The following FKBP4 variants were observed in gnomAD, a reference collection of about 807,000 sequenced individuals.
FKBP4 encodes peptidyl-prolyl cis-trans isomerase FKBP4.
In FKBP4, 28 loss-of-function variants were observed where a neutral mutation model predicts 54.1. The observed-to-expected ratio is 0.52, with a 90% CI of 0.38 to 0.71. The LOEUF (loss-of-function observed/expected upper bound fraction) is 0.71, where lower values mean the gene tolerates loss of function less well. Among genes scored for constraint, FKBP4 ranks in the 30% least tolerant of loss-of-function variants. The pLI is 0.00. For missense variants in FKBP4, 493 were observed against 574.4 expected (o/e 0.86, Z 1.45); for synonymous variants, 223 against 216.1 (o/e 1.03, Z -0.28).
chr12:2,796,202 G>T, intron 1 of FKBP4: 2 of 1,286,954 alleles, frequency 1.6e-6, no homozygotes, highest in Non-Finnish European at 2.0e-6. Flanking sequence ...TGAGCTCCGC[G>T]TGTGCGGCAC....
In FKBP4 at chr12:2,799,482, C is replaced by T. The variant is rs568568435; in HGVS notation, c.671+238C>T. ...TTCTCTCCTCTGCCATCAAGATTTT[C>T]CTCTCCCATTAATTCATTTCAGTCA... is the stretch of plus-strand genomic sequence containing the variant. On this transcript the variant is annotated intron_variant, in intron 5 of 9. Coordinates refer to ENST00000001008, the MANE Select transcript of FKBP4 (RefSeq NM_002014.4). 2.6e-5 allele frequency among the ~76,000 whole-genome samples: 4 copies of T among 152,304 alleles called. No homozygotes were observed. In the East Asian group the frequency reaches 5.8e-4, roughly 22 times the overall value.
Position 2,798,791 on chromosome 12 carries a change from G to A in FKBP4, c.479G>A (p.Gly160Asp). Residue 160 changes from glycine (G) to aspartate (D), a missense_variant, in exon 4 of 10, where the codon GGC becomes GAC. Coordinates refer to ENST00000001008, the MANE Select transcript of FKBP4 (RefSeq NM_002014.4). The surrounding 1 kb of genome is among the most constrained non-coding windows in gnomAD (Gnocchi z 4.3). ...IIRRIQTRGE[G>D]YAKPNEGAIV... is the part of the protein sequence containing the mutation. ...CGCAGAATACAGACTCGCGGTGAAG[G>A]CTATGCTAAGCCCAATGAGGGTGCT... 6.2e-7 allele frequency: 1 copy of A among 1,614,202 alleles called. No individual in the cohort carries two copies.
Position 2,803,466 on chromosome 12 carries a change from C to T in FKBP4, c.*208C>T, listed in dbSNP as rs953441760. The T allele has an allele frequency of 3.5e-6, 2 of 565,006 alleles. No homozygotes were observed. Among genetic ancestry groups the T allele is most frequent in the Non-Finnish European group, 6.4e-6 (2 of 314,166 alleles). 35.0% of individuals were successfully genotyped at this position (565,006 alleles called of 1,614,324 possible). A position where few individuals can be genotyped will look rare whatever the true frequency, so the allele number is the denominator to read the frequency against. ...TTTAGCTGGTGTCAGCCCCTCTTCCCTTCCTCCATTGCACATGAACATATG... is the reference window on the plus strand; with the variant it reads ...TTTAGCTGGTGTCAGCCCCTCTTCCTTTCCTCCATTGCACATGAACATATG... On this transcript the variant is annotated 3_prime_UTR_variant, in exon 10 of 10. Coordinates refer to ENST00000001008, the MANE Select transcript of FKBP4 (RefSeq NM_002014.4).
At chr12:2,797,500 C>G (rs1010865760) in intron 2 of FKBP4, among the ~76,000 whole-genome samples, 21 of 151,834 alleles carry the variant, frequency 1.4e-4, no homozygotes, top group Middle Eastern at 6.4e-3. Flanking sequence ...ACTCCCCCTT[C>G]AAAGGTGGAC....
intron 8 of FKBP4, 143 bp downstream of exon 8, chr12:2,800,720 C>A: frequency 1.2e-6 from 1 of 801,602 alleles, no homozygotes; most frequent in Non-Finnish European, 1.9e-6. Context: ...AGACCAAAGG[C>A]ACGGATGCAA....
At chr12:2,797,096 C>T (rs1295875692) in intron 1 of FKBP4, 42 bp from the exon 2 acceptor site, 2 of 1,609,364 alleles carry the variant, frequency 1.2e-6, no homozygotes, top group East Asian at 4.5e-5. Flanking sequence ...CCCCTTTCTG[C>T]CCCAAACCCT....
Position 2,797,709 on chromosome 12 carries a change from G to A in FKBP4, c.251-20G>A. ...ATCAGAACCCTGCTAAGGCGGTCCT[G>A]TTTGCTTCTGTACCTGCAGGGGAGG... On this transcript the variant is annotated intron_variant, in intron 2 of 9. Transcript: ENST00000001008. 6.2e-7 allele frequency: 1 copy of A among 1,603,686 alleles called. No homozygotes were observed. The highest frequency in any genetic ancestry group is 8.5e-7 in the Non-Finnish European group (1 of 1,172,674).
At chr12:2,796,562 A>T in intron 1 of FKBP4, 1 of 1,186,848 alleles carries the variant, frequency 8.4e-7, no homozygotes, top group South Asian at 1.6e-5. Flanking sequence ...CTCAGCTCCC[A>T]AGTCAGAGTT....
chr12:2,801,807 A>T (rs1332053519), intron 9 of FKBP4: 1 of 331,868 alleles, frequency 3.0e-6, no homozygotes. Flanking sequence ...TAATACACTT[A>T]GTTAAATTCA....
rs1012540143 is a variant in FKBP4, at chr12:2,796,618, T to G, written c.106-520T>G. On this transcript the variant is annotated intron_variant, in intron 1 of 9. Transcript: ENST00000001008. ...CCGGGTTCACCTATAACCTGGTTTC[T>G]TCCTTACCTGTTTTGAACTGTTTCT... The G allele has an allele frequency of 3.2e-5, 37 of 1,156,068 alleles. No homozygotes were observed. The African/African-American group carries it at 5.8e-4, about 18-fold the overall frequency. 71.6% of individuals were successfully genotyped at this position (1,156,068 alleles called of 1,614,324 possible). A position where few individuals can be genotyped will look rare whatever the true frequency, so the allele number is the denominator to read the frequency against.
rs773961129 is a variant in FKBP4 at position 2,797,283 on chromosome 12, G to A, written c.250+1G>A. On this transcript the variant is annotated splice_donor_variant, in intron 2 of 9. Coordinates refer to ENST00000001008, the MANE Select transcript of FKBP4 (RefSeq NM_002014.4). LOFTEE classifies it high-confidence loss of function. ...AAATTCTCCTTTGACCTGGGAAAAG[G>A]TAGGCGTGGTCAGTGGGCTGGTAGG... 1 of 1,613,944 alleles carries A rather than the reference G, an allele frequency of 6.2e-7. No individual in the cohort carries two copies. The highest frequency in any genetic ancestry group is 1.1e-5 in the South Asian group (1 of 91,072).
rs1274743255 is a variant in FKBP4 at position 2,798,675 on chromosome 12, G to A, written c.394-31G>A. The A allele has an allele frequency of 6.2e-7, 1 of 1,612,448 alleles. No homozygotes were observed. Among genetic ancestry groups the A allele is most frequent in the South Asian group, 1.1e-5 (1 of 91,002 alleles). ...GTTTCACTGCCCATGAGTTAGCATGGGAAGGAATTGTGTCACATCTTGTCC... is the reference window on the plus strand; with the variant it reads ...GTTTCACTGCCCATGAGTTAGCATGAGAAGGAATTGTGTCACATCTTGTCC... On this transcript the variant is annotated intron_variant, in intron 3 of 9. Transcript: ENST00000001008. The surrounding 1 kb of genome is among the most constrained non-coding windows in gnomAD (Gnocchi z 4.3).
At chr12:2,799,980 C>T (rs1242395865) in intron 6 of FKBP4, 40 bp downstream of exon 6, 1 of 1,611,812 alleles carries the variant, frequency 6.2e-7, no homozygotes, top group East Asian at 2.2e-5. Flanking sequence ...AGTCAAGTTC[C>T]ACCCTGTACG....
chr12:2,797,310 T>C (rs1228223768), intron 2 of FKBP4, 28 bp downstream of exon 2: 1 of 1,612,976 alleles, frequency 6.2e-7, no homozygotes, highest in Non-Finnish European at 8.5e-7. Flanking sequence ...GCTGGTAGGA[T>C]AGGTTCGAGG....
In FKBP4 at chr12:2,801,320, CA is replaced by C; in HGVS notation, c.1238del (p.Asn413IlefsTer28). ...TTGCCCGGGAGAAGAAGCTCTATGC[CA>C]ATATGTTTGAGAGGCTGGCTGAGGA... ...QLAREKKLYANMFERLAEEEN... is the reference protein window; with the variant it reads ...QLAREKKLYAXMFERLAEEEN... On this transcript the variant is annotated frameshift_variant, in exon 9 of 10. Transcript: ENST00000001008. LOFTEE classifies it high-confidence loss of function. 2 of 1,614,152 alleles carry C rather than the reference CA, an allele frequency of 1.2e-6. No individual in the cohort carries two copies. The highest frequency in any genetic ancestry group is 2.2e-5 in the South Asian group (2 of 91,070).
intron 2 of FKBP4, 100 bp from the exon 3 acceptor site, chr12:2,797,629 A>T: frequency 7.1e-7 from 1 of 1,412,784 alleles, no homozygotes; most frequent in Non-Finnish European, 9.6e-7. Flanking sequence ...AAGGATGTCC[A>T]GCTTCCCCAT....
At position 2,800,485 on chromosome 12, in the gene FKBP4, G is replaced by A. The variant is rs762248029; in HGVS notation, c.940G>A (p.Ala314Thr). ...SSFSNEEAQK[A>T]QALRLASHLN... ...TTTTTCCAATGAGGAAGCACAGAAAGCACAGGCCCTTCGACTGGCCTCTCA... is the reference window on the plus strand; with the variant it reads ...TTTTTCCAATGAGGAAGCACAGAAAACACAGGCCCTTCGACTGGCCTCTCA... The change falls in exon 8 of 10, where the codon GCA becomes ACA. Residue 314 changes from alanine (A) to threonine (T), a missense_variant. Coordinates refer to ENST00000001008, the MANE Select transcript of FKBP4 (RefSeq NM_002014.4). The A allele has an allele frequency of 1.2e-6, 2 of 1,614,184 alleles. No individual in the cohort carries two copies. The highest frequency in any genetic ancestry group is 4.5e-5 in the East Asian group (2 of 44,880).
intron 8 of FKBP4, among the ~76,000 whole-genome samples, chr12:2,800,808 A>G (rs1301730744): frequency 5.9e-5 from 9 of 152,266 alleles, no homozygotes; most frequent in African/African-American, 2.2e-4. Flanking sequence ...GAAGAATCAC[A>G]TAAAGAGTTT....
In FKBP4 at chr12:2,795,241, G is replaced by T; in HGVS notation, c.102G>T (p.Leu34=). 1 of 1,326,628 alleles carries T rather than the reference G, an allele frequency of 7.5e-7. No homozygotes were observed. Among genetic ancestry groups the T allele is most frequent in the East Asian group, 2.9e-5 (1 of 34,650 alleles). 82.2% of individuals were successfully genotyped at this position (1,326,628 alleles called of 1,614,324 possible). ...GCCCCAAACAGGACGAAGGCGTGCT[G>T]AAGGTGAGGGGCGGCGGGGCCTGCG... ...DISPKQDEGV[L]KVIKREGTGT... The change falls in exon 1 of 10, where the codon CTG becomes CTT. Residue 34 remains leucine, a synonymous_variant. Transcript: ENST00000001008. The surrounding 1 kb of genome is among the most constrained non-coding windows in gnomAD (Gnocchi z 4.3).
Sources: allele counts gnomAD v4.1 joint callset (sites outside exome capture counted in the v4.1 genomes callset), GRCh38; gene constraint gnomAD v4.1.1; non-coding constraint Gnocchi (gnomAD v3.1); transcripts MANE v1.5; gene names NCBI Gene and HGNC (gene_info 2026-07-23, HGNC 2026-07-21).